MYO16: variants seen among roughly 807,000 people sequenced by gnomAD.
MYO16 encodes myosin XVI.
In MYO16, 94 loss-of-function variants were observed where a neutral mutation model predicts 205.3. The ratio of observed to expected loss-of-function variants is 0.46; its 90% confidence interval spans 0.39 to 0.54. The LOEUF is 0.54. Among genes scored for constraint, MYO16 ranks in the 20% least tolerant of loss-of-function variants. The pLI, the probability that MYO16 is intolerant of heterozygous loss-of-function variation, is 0.00. For missense variants in MYO16, 2,315 were observed against 2,387.5 expected, an observed-to-expected ratio of 0.97 and a Z score of 0.63; for synonymous variants, 988 against 954.0, an observed-to-expected ratio of 1.04 and a Z score of -0.66.
intron 4 of MYO16, among the ~76,000 whole-genome samples, chr13:108,743,312 C>T (rs1004918215): frequency 6.6e-6 from 1 of 151,996 alleles, no homozygotes; most frequent in Non-Finnish European, 1.5e-5. Context: ...GAGTCATTCA[C>T]TAAATTTTTC....
chr13:108,679,411 G>A (rs1317290624), intron 2 of MYO16, among the ~76,000 whole-genome samples: 6 of 152,116 alleles, frequency 3.9e-5, no homozygotes, highest in Non-Finnish European at 2.9e-5. Context: ...ATGAGTAAGA[G>A]CTTTCTTTGC....
At chr13:108,995,603 C>G (rs1164171466) in intron 21 of MYO16, among the ~76,000 whole-genome samples, 1 of 152,064 alleles carries the variant, frequency 6.6e-6, no homozygotes, top group East Asian at 1.9e-4. Context: ...CCCCACTCCA[C>G]AACAGGCCCT....
chr13:108,707,938 G>A (rs1473533014), intron 2 of MYO16, among the ~76,000 whole-genome samples: 5 of 152,072 alleles, frequency 3.3e-5, no homozygotes, highest in African/African-American at 9.7e-5. Context: ...TCCCAAAGGT[G>A]CAAAAATGGG....
chr13:109,016,673 T>G (rs1175414449), intron 22 of MYO16, among the ~76,000 whole-genome samples: 1 of 152,224 alleles, frequency 6.6e-6, no homozygotes. Context: ...TTTAGGATAG[T>G]CAGCTCTTCT....
At chr13:108,689,166 T>C (rs1309921784) in intron 2 of MYO16, among the ~76,000 whole-genome samples, 6 of 152,176 alleles carry the variant, frequency 3.9e-5, no homozygotes, top group Non-Finnish European at 8.8e-5. Flanking sequence ...ATGACAACAA[T>C]TTGCTTTTCA....
In MYO16 at chr13:108,825,165, A is replaced by C. The variant is rs1876184193; in HGVS notation, c.1097+1887A>C. On this transcript the variant is annotated intron_variant, in intron 9 of 34. Coordinates refer to ENST00000457511, the MANE Select transcript of MYO16 (RefSeq NM_001198950.3). ...CACCTAAATAAAACACCAGCAAATCAGGTTGAGCCACATATAAAAAGGACT... is the reference window on the plus strand; with the variant it reads ...CACCTAAATAAAACACCAGCAAATCCGGTTGAGCCACATATAAAAAGGACT... Among the ~76,000 whole-genome samples the C allele has an allele frequency of 4.6e-5, 7 of 152,124 alleles. No individual in the cohort carries two copies. In the South Asian group the frequency reaches 1.2e-3, roughly 27 times the overall value.
intron 16 of MYO16, among the ~76,000 whole-genome samples, chr13:108,912,876 C>T (rs920858889): frequency 3.3e-5 from 5 of 151,898 alleles, no homozygotes; most frequent in Non-Finnish European, 7.4e-5. Context: ...GCATTGCAGA[C>T]GTATGGCCAC....
the MYO16 span, among the ~76,000 whole-genome samples, chr13:108,582,699 A>C: frequency 6.6e-6 from 1 of 152,164 alleles, no homozygotes; most frequent in Non-Finnish European, 1.5e-5. Flanking sequence ...GGACAGATAG[A>C]GGCTGTGGGT....
chr13:109,032,148 G>A (rs9587758), intron 23 of MYO16, among the ~76,000 whole-genome samples: 2,569 of 152,138 alleles, frequency 0.017, 75 homozygotes, highest in African/African-American at 0.059. Flanking sequence ...GCTCCCCCTC[G>A]ACCCTGGTTT....
the MYO16 span, among the ~76,000 whole-genome samples, chr13:108,497,049 G>A: frequency 6.6e-6 from 1 of 152,106 alleles, no homozygotes; most frequent in Non-Finnish European, 1.5e-5. Context: ...TGTGTTCTTG[G>A]GACTATTTCT....
At chr13:108,927,484 A>G (rs947143193) in intron 16 of MYO16, among the ~76,000 whole-genome samples, 1 of 152,182 alleles carries the variant, frequency 6.6e-6, no homozygotes, top group African/African-American at 2.4e-5. Flanking sequence ...CTGCAGGCCA[A>G]TTAGGTGCAG....
chr13:108,555,348 A>G, the MYO16 span, among the ~76,000 whole-genome samples: 1 of 152,210 alleles, frequency 6.6e-6, no homozygotes, highest in African/African-American at 2.4e-5. Flanking sequence ...GAATGTGTTC[A>G]TTGTGTACAA....
intron 3 of MYO16, among the ~76,000 whole-genome samples, chr13:108,716,191 G>A (rs575073334): frequency 6.6e-6 from 1 of 152,324 alleles, no homozygotes; most frequent in Admixed American, 6.5e-5. Context: ...ATGAATGAAT[G>A]AGCTCTAAGG....
chr13:108,966,456 A>G (rs1318022547), intron 20 of MYO16, among the ~76,000 whole-genome samples: 1 of 152,224 alleles, frequency 6.6e-6, no homozygotes, highest in Non-Finnish European at 1.5e-5. Flanking sequence ...AATGGTCTAC[A>G]GTTTTTGCTA....
chr13:108,519,626 T>TACAC, the MYO16 span, among the ~76,000 whole-genome samples: 1,627 of 108,444 alleles, frequency 0.015, 23 homozygotes, highest in Admixed American at 0.018. Context: ...ATATGCAAAA[T>TACAC]ACACACACAC....
At chr13:108,984,360 G>C (rs1463295330) in intron 20 of MYO16, among the ~76,000 whole-genome samples, 1 of 152,146 alleles carries the variant, frequency 6.6e-6, no homozygotes, top group Non-Finnish European at 1.5e-5. Context: ...TCCCAGAGAA[G>C]CACTAGAACT....
At chr13:109,176,592 A>AAAAAAAAAAAAAAAAC (rs1161657715) in intron 33 of MYO16, among the ~76,000 whole-genome samples, 1 of 148,662 alleles carries the variant, frequency 6.7e-6, no homozygotes, top group African/African-American at 2.5e-5. Context: ...AAAAAAAAAA[A>AAAAAAAAAAAAAAAAC]AAAAAAAAAG....
intron 11 of MYO16, among the ~76,000 whole-genome samples, chr13:108,856,020 C>T (rs1312889328): frequency 3.3e-5 from 5 of 152,172 alleles, no homozygotes; most frequent in Non-Finnish European, 5.9e-5. Flanking sequence ...CAGGAAATGT[C>T]TTTGTAAAGT....
chr13:108,576,255 C>T, the MYO16 span, among the ~76,000 whole-genome samples: 2 of 152,144 alleles, frequency 1.3e-5, no homozygotes, highest in African/African-American at 4.8e-5. Flanking sequence ...AATCCTGGCT[C>T]CTAGAAGGAG....
Sources: gnomAD v4.1 joint callset for allele counts (sites outside exome capture counted in the v4.1 genomes callset) on GRCh38, gnomAD v4.1.1 for gene constraint, MANE v1.5 for transcripts, NCBI Gene and HGNC (gene_info 2026-07-23, HGNC 2026-07-21) for gene names.